The following PLXDC2 variants were observed in gnomAD, a reference collection of about 807,000 sequenced individuals.
PLXDC2 encodes the protein plexin domain-containing protein 2.
Under a neutral mutation model 68.9 loss-of-function variants are expected in PLXDC2, and 40 were observed. The ratio of observed to expected loss-of-function variants is 0.58; its 90% CI spans 0.45 to 0.76. The LOEUF (loss-of-function observed/expected upper bound fraction) is 0.76. Among genes scored for constraint, PLXDC2 ranks in the 30% least tolerant of loss-of-function variants. The pLI is 0.00. For synonymous variants in PLXDC2, 243 were observed against 234.2 expected, an observed-to-expected ratio of 1.04 and a Z score of -0.34; for missense variants, 644 against 661.9, an observed-to-expected ratio of 0.97 and a Z score of 0.30.
chr10:20,044,233 CTTTCTTTCTTTCTTT>C (rs1835749412), intron 2 of PLXDC2, among the ~76,000 whole-genome samples: 1 of 83,584 alleles, frequency 1.2e-5, no homozygotes, highest in African/African-American at 5.9e-5. Flanking sequence ...TTCTTTCTTT[CTTTCTTTCTTTCTTT>C]CTTTCTTTCT....
At chr10:20,080,541 A>G (rs777090864) in intron 4 of PLXDC2, among the ~76,000 whole-genome samples, 2 of 152,172 alleles carry the variant, frequency 1.3e-5, no homozygotes, top group Admixed American at 6.5e-5. Flanking sequence ...AGGGCAGGAA[A>G]CATCCAGCAT....
intron 4 of PLXDC2, among the ~76,000 whole-genome samples, chr10:20,118,238 A>G (rs984913212): frequency 2.0e-5 from 3 of 152,016 alleles, no homozygotes; most frequent in Admixed American, 6.6e-5. Context: ...GCAGTGTCTT[A>G]TGTGTTCAAA....
At chr10:20,047,402 C>T (rs1238430863) in intron 3 of PLXDC2, among the ~76,000 whole-genome samples, 1 of 152,018 alleles carries the variant, frequency 6.6e-6, no homozygotes, top group East Asian at 1.9e-4. Context: ...GGGTTTATTG[C>T]TGTTGGTCTT....
intron 1 of PLXDC2, among the ~76,000 whole-genome samples, chr10:19,900,981 ATGTG>A (rs71388879): frequency 0.18 from 25,543 of 144,368 alleles, 2,820 homozygotes; most frequent in African/African-American, 0.31. Flanking sequence ...TATATGTGTG[ATGTG>A]TGTGTGTGTG....
chr10:19,855,665 C>T (rs1837197551), intron 1 of PLXDC2, among the ~76,000 whole-genome samples: 1 of 152,160 alleles, frequency 6.6e-6, no homozygotes, highest in Non-Finnish European at 1.5e-5. Context: ...TGTCAGCCCT[C>T]AGAAAGTTTT....
At chr10:19,925,431 G>T (rs1419300848) in intron 1 of PLXDC2, among the ~76,000 whole-genome samples, 5 of 152,156 alleles carry the variant, frequency 3.3e-5, no homozygotes, top group African/African-American at 1.2e-4. Context: ...AGAGGCTTTT[G>T]ATCTGCTTTT....
chr10:20,251,670 C>T (rs1477883802), intron 13 of PLXDC2, among the ~76,000 whole-genome samples: 3 of 151,946 alleles, frequency 2.0e-5, no homozygotes, highest in Admixed American at 6.6e-5. Context: ...AATAATATTA[C>T]AAAGTGATAA....
At chr10:20,048,610 A>G (rs902745986) in intron 3 of PLXDC2, among the ~76,000 whole-genome samples, 2 of 152,160 alleles carry the variant, frequency 1.3e-5, no homozygotes, top group African/African-American at 2.4e-5. Flanking sequence ...GTGTATGCAC[A>G]TGGAGATTCT....
Position 20,285,456 on chromosome 10 carries a change from C to T in PLXDC2, c.*5637C>T, listed in dbSNP as rs1588561838. ...TTACAAGTAGATAGGATCAACAATA[C>T]TCTATCAATTTTCAACTCCAATTTT... On this transcript the variant is annotated 3_prime_UTR_variant, in exon 14 of 14. Transcript: ENST00000377252. 2 of 152,136 alleles carry T rather than the reference C, an allele frequency of 1.3e-5. No homozygotes were observed. The highest frequency in any genetic ancestry group is 3.8e-4 in the East Asian group (2 of 5,198). The allele number at this position is 152,136 out of a possible 1,614,324, so 9.4% of individuals were successfully genotyped here. A position where few individuals can be genotyped will look rare whatever the true frequency, so the allele number is the denominator to read the frequency against.
intron 4 of PLXDC2, among the ~76,000 whole-genome samples, chr10:20,096,045 TTTC>T (rs919529220): frequency 5.3e-5 from 8 of 152,214 alleles, no homozygotes; most frequent in South Asian, 2.1e-4. Context: ...GAACTCCTTC[TTTC>T]TTCTTCTTCT....
chr10:20,172,230 G>T (rs1379224244), intron 7 of PLXDC2, among the ~76,000 whole-genome samples: 2 of 110,598 alleles, frequency 1.8e-5, no homozygotes, highest in Non-Finnish European at 1.9e-5. Context: ...TTGTGAAAAG[G>T]AAAAAAAAAA....
chr10:20,210,937 A>G (rs867273660), intron 9 of PLXDC2, among the ~76,000 whole-genome samples: 2 of 152,176 alleles, frequency 1.3e-5, no homozygotes, highest in South Asian at 2.1e-4. Flanking sequence ...GACTAATCTT[A>G]TCTTCCAGTC....
At chr10:20,080,434 A>T (rs1836531965) in intron 4 of PLXDC2, among the ~76,000 whole-genome samples, 1 of 152,194 alleles carries the variant, frequency 6.6e-6, no homozygotes, top group South Asian at 2.1e-4. Flanking sequence ...CCAACAGTGT[A>T]GTCTTCATTC....
intron 1 of PLXDC2, among the ~76,000 whole-genome samples, chr10:19,901,161 T>C (rs1398113745): frequency 3.3e-5 from 5 of 152,112 alleles, no homozygotes; most frequent in Non-Finnish European, 7.4e-5. Flanking sequence ...CTTTTTCATA[T>C]AAAGACTTCT....
At chr10:20,250,709 T>C (rs888840732) in intron 13 of PLXDC2, among the ~76,000 whole-genome samples, 1 of 152,116 alleles carries the variant, frequency 6.6e-6, no homozygotes, top group Non-Finnish European at 1.5e-5. Flanking sequence ...CAGGCTGATA[T>C]ACATGCAAGG....
intron 1 of PLXDC2, among the ~76,000 whole-genome samples, chr10:19,999,881 A>T (rs1171723918): frequency 6.6e-6 from 1 of 152,220 alleles, no homozygotes; most frequent in Non-Finnish European, 1.5e-5. Flanking sequence ...TGCAGGCAGG[A>T]TATTTTCATT....
At chr10:19,980,869 C>A (rs1283860672) in intron 1 of PLXDC2, among the ~76,000 whole-genome samples, 1 of 152,152 alleles carries the variant, frequency 6.6e-6, no homozygotes, top group African/African-American at 2.4e-5. Flanking sequence ...TAGGGAGATG[C>A]AAACATTCAG....
chr10:19,916,385 G>T (rs1833367169), intron 1 of PLXDC2, among the ~76,000 whole-genome samples: 2 of 150,840 alleles, frequency 1.3e-5, no homozygotes, highest in African/African-American at 4.9e-5. Flanking sequence ...CTGACCTCAG[G>T]TGATCCGCCC....
chr10:19,915,759 T>A (rs1387562078), intron 1 of PLXDC2, among the ~76,000 whole-genome samples: 2 of 151,996 alleles, frequency 1.3e-5, no homozygotes, highest in African/African-American at 4.8e-5. Context: ...AGGTTTTAGG[T>A]ATGATAAGAG....
Sources: gnomAD v4.1 joint callset for allele counts (sites outside exome capture counted in the v4.1 genomes callset) on GRCh38, gnomAD v4.1.1 for gene constraint, MANE v1.5 for transcripts, NCBI Gene and HGNC (gene_info 2026-07-23, HGNC 2026-07-21) for gene names.